C13orf42: variants seen among roughly 807,000 people sequenced by gnomAD.
C13orf42 encodes the protein uncharacterized protein C13orf42.
intron 1 of C13orf42, among the ~76,000 whole-genome samples, chr13:51,121,883 T>C (rs996014726): frequency 2.0e-5 from 3 of 152,186 alleles, no homozygotes; most frequent in African/African-American, 7.2e-5. Flanking sequence ...TACACTTGTA[T>C]AATGGAACAC....
At chr13:51,096,767 C>A (rs919815971) in intron 1 of C13orf42, among the ~76,000 whole-genome samples, 1 of 152,114 alleles carries the variant, frequency 6.6e-6, no homozygotes, top group Admixed American at 6.5e-5. Flanking sequence ...TGTTAGATTC[C>A]TATGCTTCAG....
At chr13:51,088,509 A>G (rs918435166) in intron 1 of C13orf42, among the ~76,000 whole-genome samples, 2 of 152,230 alleles carry the variant, frequency 1.3e-5, no homozygotes, top group African/African-American at 4.8e-5. Context: ...AGTTTCTATA[A>G]TAACTCAATT....
intron 1 of C13orf42, among the ~76,000 whole-genome samples, chr13:51,138,391 C>A (rs543607043): frequency 7.9e-5 from 12 of 152,162 alleles, no homozygotes; most frequent in African/African-American, 2.9e-4. Context: ...AACCTAATAA[C>A]CTAATTTTAA....
intron 1 of C13orf42, among the ~76,000 whole-genome samples, chr13:51,095,671 T>C (rs1401611934): frequency 1.3e-5 from 2 of 152,136 alleles, no homozygotes; most frequent in Non-Finnish European, 2.9e-5. Context: ...TTCATCTCTG[T>C]TCTGTGCTGC....
chr13:51,149,489 T>C (rs1361528586), intron 1 of C13orf42, among the ~76,000 whole-genome samples: 2 of 152,178 alleles, frequency 1.3e-5, no homozygotes, highest in Non-Finnish European at 2.9e-5. Context: ...AACAATGCTG[T>C]AACTGCTTCT....
intron 1 of C13orf42, chr13:51,162,004 C>T: frequency 2.4e-6 from 1 of 412,692 alleles, no homozygotes; most frequent in Non-Finnish European, 4.8e-6. Flanking sequence ...CCATGCCAAA[C>T]CTACTGAGAA....
intron 1 of C13orf42, among the ~76,000 whole-genome samples, chr13:51,144,471 T>C (rs1321910001): frequency 6.6e-6 from 1 of 152,258 alleles, no homozygotes; most frequent in African/African-American, 2.4e-5. Flanking sequence ...TCTTAACTTA[T>C]GGCAATACAA....
chr13:51,156,562 A>C (rs1953825467), intron 1 of C13orf42, among the ~76,000 whole-genome samples: 1 of 152,238 alleles, frequency 6.6e-6, no homozygotes, highest in South Asian at 2.1e-4. Context: ...ACACAGACCA[A>C]GGTTAAAATC....
At chr13:51,168,499 C>T (rs1213716755) in intron 1 of C13orf42, among the ~76,000 whole-genome samples, 1 of 152,184 alleles carries the variant, frequency 6.6e-6, no homozygotes, top group Non-Finnish European at 1.5e-5. Flanking sequence ...TTCTAAGTTG[C>T]CCCATTAAAA....
rs147414394 is a variant in C13orf42, at chr13:51,084,568, G to T, written c.804-243C>A. 3.2e-3 allele frequency among the ~76,000 whole-genome samples: 495 copies of T among 152,366 alleles called. 2 individuals carry two copies. Among genetic ancestry groups the T allele is most frequent in the African/African-American group, 0.011 (473 of 41,590 alleles). On this transcript the variant is annotated intron_variant, in intron 3 of 3. Coordinates refer to ENST00000563710, the MANE Select transcript of C13orf42 (RefSeq NM_001351589.3). Reference sequence around the variant, plus strand: ...GGGTTGTGATTTTAATATGTCCAGTGCATGGTCTGTTACTGTGGAAGGGAA... The same window carrying T: ...GGGTTGTGATTTTAATATGTCCAGTTCATGGTCTGTTACTGTGGAAGGGAA...
At chr13:51,163,103 A>C (rs1203273280) in intron 1 of C13orf42, among the ~76,000 whole-genome samples, 1 of 152,098 alleles carries the variant, frequency 6.6e-6, no homozygotes, top group African/African-American at 2.4e-5. Flanking sequence ...CTGTCTCCCA[A>C]ACCCCTTGAG....
At chr13:51,156,813 T>C (rs571846770) in intron 1 of C13orf42, among the ~76,000 whole-genome samples, 4 of 151,298 alleles carry the variant, frequency 2.6e-5, no homozygotes, top group African/African-American at 9.9e-5. Flanking sequence ...GTCCCCATTT[T>C]CCACACTGTA....
chr13:51,128,363 T>C (rs1008859275), intron 1 of C13orf42, among the ~76,000 whole-genome samples: 3 of 152,180 alleles, frequency 2.0e-5, no homozygotes, highest in African/African-American at 7.2e-5. Flanking sequence ...TATCTTTCTG[T>C]TGAACCATGC....
chr13:51,164,128 C>T (rs182220321), intron 1 of C13orf42, among the ~76,000 whole-genome samples: 9 of 152,298 alleles, frequency 5.9e-5, no homozygotes, highest in East Asian at 5.8e-4. Context: ...GTACGGCTAG[C>T]GCTCAACTCA....
chr13:51,086,616 TTTC>T (rs1953130687), intron 2 of C13orf42, among the ~76,000 whole-genome samples: 1 of 152,234 alleles, frequency 6.6e-6, no homozygotes, highest in African/African-American at 2.4e-5. Flanking sequence ...TATTTTTTAC[TTTC>T]TTCTTTATGC....
intron 1 of C13orf42, among the ~76,000 whole-genome samples, chr13:51,093,660 T>C (rs1953202561): frequency 6.6e-6 from 1 of 152,116 alleles, no homozygotes. Context: ...TTGACATCGA[T>C]TGGGGGTTTA....
intron 1 of C13orf42, among the ~76,000 whole-genome samples, chr13:51,108,872 C>T (rs1953392692): frequency 6.6e-6 from 1 of 152,234 alleles, no homozygotes; most frequent in South Asian, 2.1e-4. Flanking sequence ...GCCCATGTGC[C>T]TCTGCACAGC....
intron 2 of C13orf42, among the ~76,000 whole-genome samples, chr13:51,086,808 G>A (rs1403744741): frequency 6.6e-6 from 1 of 152,138 alleles, no homozygotes; most frequent in African/African-American, 2.4e-5. Context: ...CTCACTCCCA[G>A]GGGCAGGGCT....
chr13:51,101,012 G>A (rs1953284702), intron 1 of C13orf42, among the ~76,000 whole-genome samples: 1 of 152,134 alleles, frequency 6.6e-6, no homozygotes, highest in Non-Finnish European at 1.5e-5. Flanking sequence ...TGTATATATG[G>A]TATGAACCAA....
Sources: allele counts gnomAD v4.1 joint callset (sites outside exome capture counted in the v4.1 genomes callset), GRCh38; gene constraint gnomAD v4.1.1; transcripts MANE v1.5; gene names NCBI Gene and HGNC (gene_info 2026-07-23, HGNC 2026-07-21).